Variants in GMCL1 observed in about 807,000 individuals in gnomAD.
The protein encoded by GMCL1 is germ cell-less 1, spermatogenesis associated, also known as germ cell-less protein-like 1.
A neutral mutation model predicts 75.5 loss-of-function variants in GMCL1; 54 were observed. The observed-to-expected ratio is 0.71, with a 90% CI of 0.57 to 0.90. The LOEUF (loss-of-function observed/expected upper bound fraction) is 0.90. Ranked by LOEUF, GMCL1 falls within the 40% of genes least tolerant of loss-of-function variation. The pLI, the probability that GMCL1 is intolerant of heterozygous loss-of-function variation, is 0.00. For missense variants in GMCL1, 537 were observed against 622.7 expected, an observed-to-expected ratio of 0.86 and a Z score of 1.47; for synonymous variants, 210 against 209.6, an observed-to-expected ratio of 1.00 and a Z score of -0.02.
In GMCL1 at chr2:69,840,925, G is replaced by A. The variant is rs3771533; in HGVS notation, c.482-17G>A. 298,929 of 1,548,652 alleles carry A rather than the reference G, an allele frequency of 0.19. 30,661 individuals carry two copies. Among genetic ancestry groups the A allele is most frequent in the African/African-American group, 0.26 (18,818 of 73,670 alleles). The stretch of plus-strand genomic sequence containing the variant: ...ATATAAATATTATTTCATCCTACAT[G>A]TGTACCTTGCTTTCAGCACTGCAGG... On this transcript the variant is annotated splice_polypyrimidine_tract_variant and intron_variant, in intron 3 of 13. Coordinates refer to ENST00000282570, the MANE Select transcript of GMCL1 (RefSeq NM_178439.5).
rs796994360 is a variant in GMCL1 at position 69,837,392 on chromosome 2, AT to A, written c.261-152del. Among the ~76,000 whole-genome samples, 121 of 152,320 alleles carry A rather than the reference AT, an allele frequency of 7.9e-4. 1 individual carries two copies. Among genetic ancestry groups the A allele is most frequent in the African/African-American group, 2.8e-3 (117 of 41,576 alleles). ...TATGTACTCTTCTAGACACAAGAAA[AT>A]TTGAATATATACTATCTCCCTATCC... On this transcript the variant is annotated intron_variant, in intron 1 of 13. Coordinates refer to ENST00000282570, the MANE Select transcript of GMCL1 (RefSeq NM_178439.5).
chr2:69,871,697 G>A (rs1675984389), intron 12 of GMCL1, 48 bp from the exon 13 acceptor site: 2 of 980,998 alleles, frequency 2.0e-6, no homozygotes, highest in African/African-American at 1.7e-5. Context: ...TGTTTAATCT[G>A]TGGTTTAAAA....
At chr2:69,873,322 A>G (rs1220806893) in intron 13 of GMCL1, among the ~76,000 whole-genome samples, 1 of 151,984 alleles carries the variant, frequency 6.6e-6, no homozygotes, top group Non-Finnish European at 1.5e-5. Context: ...AGTTTGGGAG[A>G]TTTACTTTGG....
At position 69,830,087 on chromosome 2, in the gene GMCL1, C is replaced by G. The variant is rs1674626667; in HGVS notation, c.195C>G (p.Asp65Glu). 1 of 1,577,796 alleles carries G rather than the reference C, an allele frequency of 6.3e-7. No individual in the cohort carries two copies. The highest frequency in any genetic ancestry group is 8.6e-7 in the Non-Finnish European group (1 of 1,161,282). ...SSGSFCYCHP[D>E]SETDEDEEEG... is the part of the protein sequence containing the mutation. ...GGTCCTTCTGCTACTGTCACCCTGA[C>G]TCGGAGACGGACGAGGATGAGGAGG... Residue 65 changes from aspartate (D) to glutamate (E), a missense_variant, in exon 1 of 14, where the codon GAC (aspartate) becomes GAG (glutamate). This residue lies in a region of GMCL1 where 144 missense variants were observed against 127.2 expected (regional missense o/e 1.13). Transcript: ENST00000282570.
intron 1 of GMCL1, among the ~76,000 whole-genome samples, 166 bp downstream of exon 1, chr2:69,830,318 G>C (rs1014694881): frequency 2.6e-5 from 4 of 152,220 alleles, no homozygotes; most frequent in Non-Finnish European, 5.9e-5. Context: ...GGGCGGACTG[G>C]GGAGCGCCTT....
chr2:69,843,147 A>T lies in GMCL1; in HGVS notation c.580-2A>T. 6.3e-7 allele frequency: 1 copy of T among 1,584,326 alleles called. No homozygotes were observed. The highest frequency in any genetic ancestry group is 8.7e-7 in the Non-Finnish European group (1 of 1,154,826). ...CTTTCCAGTGCTTATTTATATTTAC[A>T]GGACGGTTTAATACAGCAGTGTGGT... On this transcript the variant is annotated splice_acceptor_variant, in intron 4 of 13. Transcript: ENST00000282570. LOFTEE classifies it high-confidence loss of function.
At chr2:69,874,285 A>G (rs889347186) in intron 13 of GMCL1, among the ~76,000 whole-genome samples, 1 of 152,172 alleles carries the variant, frequency 6.6e-6, no homozygotes, top group Non-Finnish European at 1.5e-5. Context: ...GAGTATACCC[A>G]ATATTGTATC....
rs116058107 is a variant in GMCL1 at position 69,831,639 on chromosome 2, G to T, written c.260+1487G>T. 2.0e-3 allele frequency among the ~76,000 whole-genome samples: 308 copies of T among 151,760 alleles called. 3 individuals are homozygous for T. Among genetic ancestry groups the T allele is most frequent in the South Asian group, 0.017 (79 of 4,764 alleles). On this transcript the variant is annotated intron_variant, in intron 1 of 13. Transcript: ENST00000282570. ...TTTCTCTATTTTGAGACAGGGTCTC[G>T]CTGTGTCGCCCAGGCTGGAATGCAG...
intron 11 of GMCL1, among the ~76,000 whole-genome samples, chr2:69,866,618 C>G (rs896410079): frequency 9.9e-5 from 15 of 152,050 alleles, no homozygotes; most frequent in Non-Finnish European, 2.2e-4. Context: ...GTCACCACAG[C>G]CAGCTAATTT....
At chr2:69,849,534 A>G in intron 7 of GMCL1, 118 bp from the exon 8 acceptor site, 1 of 596,512 alleles carries the variant, frequency 1.7e-6, no homozygotes. Context: ...AATTGCTGGT[A>G]AAGTAGAAGT....
chr2:69,859,379 G>A (rs1015205799), intron 9 of GMCL1, among the ~76,000 whole-genome samples: 1 of 151,572 alleles, frequency 6.6e-6, no homozygotes, highest in Non-Finnish European at 1.5e-5. Flanking sequence ...GCTGAGTCAT[G>A]TAATAGTTGC....
chr2:69,839,393 T>A, intron 2 of GMCL1, 64 bp from the exon 3 acceptor site: 1 of 964,434 alleles, frequency 1.0e-6, no homozygotes, highest in Admixed American at 2.0e-5. Context: ...GAATTAGAAA[T>A]GGGCAAATAA....
Position 69,829,708 on chromosome 2 carries a change from G to T in GMCL1, c.-185G>T. On this transcript the variant is annotated 5_prime_UTR_variant, in exon 1 of 14. Coordinates refer to ENST00000282570, the MANE Select transcript of GMCL1 (RefSeq NM_178439.5). ...CGAGGTGCTGCGGTGCTAGAGCGCG[G>T]CGCGACCGGACGCTGCGGGCGGGGA... The T allele has an allele frequency of 1.5e-6, 1 of 658,184 alleles. No individual in the cohort carries two copies. Among genetic ancestry groups the T allele is most frequent in the Non-Finnish European group, 2.5e-6 (1 of 403,400 alleles). The allele number at this position is 658,184 out of a possible 1,614,324, so 40.8% of individuals were successfully genotyped here.
intron 9 of GMCL1, among the ~76,000 whole-genome samples, chr2:69,856,429 G>A (rs1214762376): frequency 1.3e-5 from 2 of 152,022 alleles, no homozygotes; most frequent in Non-Finnish European, 2.9e-5. Context: ...CTTTATTTTA[G>A]GATTCAACTG....
At chr2:69,871,331 C>T (rs1415848298) in intron 12 of GMCL1, among the ~76,000 whole-genome samples, 2 of 152,042 alleles carry the variant, frequency 1.3e-5, no homozygotes, top group African/African-American at 4.8e-5. Context: ...TTCATAGGTA[C>T]AGAGGATACA....
intron 1 of GMCL1, 95 bp downstream of exon 1, chr2:69,830,247 C>A (rs1009388275): frequency 1.8e-5 from 26 of 1,435,408 alleles, no homozygotes; most frequent in South Asian, 4.1e-5. Flanking sequence ...TGCAGCGCTC[C>A]CCAGCCTATG....
chr2:69,843,303 G>A, intron 5 of GMCL1, 42 bp downstream of exon 5: 1 of 1,082,654 alleles, frequency 9.2e-7, no homozygotes. Context: ...CCACTTTTAG[G>A]AATTTGGTTG....
intron 13 of GMCL1, among the ~76,000 whole-genome samples, chr2:69,876,824 AC>A (rs1442186431): frequency 6.6e-6 from 1 of 152,102 alleles, no homozygotes; most frequent in Admixed American, 6.5e-5. Context: ...CCCTATCTAT[AC>A]AAAAAATTGA....
chr2:69,851,364 C>T (rs568454413), intron 8 of GMCL1, among the ~76,000 whole-genome samples: 15 of 152,248 alleles, frequency 9.9e-5, no homozygotes, highest in African/African-American at 3.1e-4. Flanking sequence ...GTACTCCCAG[C>T]GCTTTGGGAG....
Sources: gnomAD v4.1 joint callset for allele counts (sites outside exome capture counted in the v4.1 genomes callset) on GRCh38, gnomAD v4.1.1 for gene constraint, gnomAD v4.1.1 regional missense constraint, MANE v1.5 for transcripts, NCBI Gene and HGNC (gene_info 2026-07-23, HGNC 2026-07-21) for gene names.